Variants in BRSK2 observed in about 807,000 individuals in gnomAD.
The protein encoded by BRSK2 is serine/threonine-protein kinase BRSK2.
A neutral mutation model predicts 83.3 loss-of-function variants in BRSK2; 19 were observed. The observed-to-expected ratio is 0.23, with a 90% CI of 0.16 to 0.33. The LOEUF (loss-of-function observed/expected upper bound fraction) is 0.33, where lower values mean the gene tolerates loss of function less well. Ranked by LOEUF, BRSK2 falls within the 10% of genes least tolerant of loss-of-function variation. The pLI is 1.00. For missense variants in BRSK2, 798 were observed against 1,042.3 expected (o/e 0.77, Z 3.23); for synonymous variants, 519 against 435.4 (o/e 1.19, Z -2.39).
chr11:1,404,803 AG>A (rs1308712816), intron 1 of BRSK2, among the ~76,000 whole-genome samples: 2 of 152,122 alleles, frequency 1.3e-5, no homozygotes, highest in Non-Finnish European at 2.9e-5. Context: ...CGCGCCCTGG[AG>A]ATTACTGCTG....
At chr11:1,413,790 C>T (rs1847813515) in intron 1 of BRSK2, among the ~76,000 whole-genome samples, 1 of 152,242 alleles carries the variant, frequency 6.6e-6, no homozygotes, top group Admixed American at 6.5e-5. Flanking sequence ...GCCCCTCCTG[C>T]CATCTCTGGG....
chr11:1,411,350 G>T, intron 1 of BRSK2: 1 of 1,441,872 alleles, frequency 6.9e-7, no homozygotes, highest in Non-Finnish European at 9.0e-7. Flanking sequence ...GCACAGTTCT[G>T]CCCCATCTGG....
At chr11:1,455,691 C>T (rs1375293625) in intron 16 of BRSK2, among the ~76,000 whole-genome samples, 17 of 152,192 alleles carry the variant, frequency 1.1e-4, no homozygotes, top group African/African-American at 1.4e-4. Context: ...TCGGCCTCCT[C>T]CCTCACCACA....
At chr11:1,443,846 G>T (rs1276182189) in intron 8 of BRSK2, among the ~76,000 whole-genome samples, 1 of 152,006 alleles carries the variant, frequency 6.6e-6, no homozygotes, top group Non-Finnish European at 1.5e-5. Context: ...GGGTGCCCAG[G>T]TGAGTGTTCA....
intron 14 of BRSK2, among the ~76,000 whole-genome samples, 181 bp from the exon 15 acceptor site, chr11:1,451,190 C>T (rs982710391): frequency 6.6e-5 from 10 of 152,136 alleles, no homozygotes; most frequent in Non-Finnish European, 1.2e-4. Flanking sequence ...GCCTGGGGGG[C>T]GCCACTGCCA....
At chr11:1,458,131 G>C (rs1051822500) in intron 18 of BRSK2, among the ~76,000 whole-genome samples, 1 of 152,124 alleles carries the variant, frequency 6.6e-6, no homozygotes, top group Non-Finnish European at 1.5e-5. Flanking sequence ...TTGTCTGGTA[G>C]GGCAAGCAGA....
chr11:1,436,590 C>T (rs1050330837), intron 2 of BRSK2, among the ~76,000 whole-genome samples: 1 of 152,054 alleles, frequency 6.6e-6, no homozygotes, highest in Non-Finnish European at 1.5e-5. Flanking sequence ...CCATGGAGAC[C>T]AGGCAGGCCC....
At chr11:1,443,162 A>G (rs1851589809) in intron 6 of BRSK2, 23 bp downstream of exon 6, 2 of 1,537,104 alleles carry the variant, frequency 1.3e-6, no homozygotes, top group Non-Finnish European at 1.7e-6. Flanking sequence ...CGCCGCGTGC[A>G]GCTCTGTGGG....
chr11:1,407,853 G>C (rs1847008280), intron 1 of BRSK2, among the ~76,000 whole-genome samples: 1 of 152,234 alleles, frequency 6.6e-6, no homozygotes, highest in Non-Finnish European at 1.5e-5. Flanking sequence ...CCGGCAGGGA[G>C]GGGCTGTTTG....
At position 1,443,515 on chromosome 11, in the gene BRSK2, C is replaced by A; in HGVS notation, c.660C>A (p.Asn220Lys). The A allele has an allele frequency of 1.2e-6, 2 of 1,605,912 alleles. No individual in the cohort carries two copies. Among genetic ancestry groups the A allele is most frequent in the Non-Finnish European group, 1.7e-6 (2 of 1,176,500 alleles). The change falls in exon 8 of 20, where the codon AAC becomes AAA. Residue 220 changes from asparagine to lysine, a missense_variant. Asn to Lys is a moderately conservative substitution (Grantham distance 94). Around this residue, in one of 6 missense-constraint regions of BRSK2, gnomAD observed 145 missense variants for 225.4 expected, o/e 0.64. Coordinates refer to ENST00000528841, the MANE Select transcript of BRSK2 (RefSeq NM_001256627.2). ...GGGCTCTGCCCTTCGACGATGACAACTTGCGACAGCTGCTGGAGAAGGTGA... is the reference window on the plus strand; with the variant it reads ...GGGCTCTGCCCTTCGACGATGACAAATTGCGACAGCTGCTGGAGAAGGTGA... The part of the protein sequence containing the change: ...LVGALPFDDD[N>K]LRQLLEKVKR...
intron 18 of BRSK2, among the ~76,000 whole-genome samples, chr11:1,457,334 G>A (rs1289007922): frequency 6.6e-6 from 1 of 152,224 alleles, no homozygotes; most frequent in Non-Finnish European, 1.5e-5. Flanking sequence ...ACAGCCCAGG[G>A]TCATGCCTCC....
chr11:1,406,837 G>A (rs559022694), intron 1 of BRSK2, among the ~76,000 whole-genome samples: 8 of 152,338 alleles, frequency 5.3e-5, no homozygotes, highest in African/African-American at 1.9e-4. Flanking sequence ...CTCCCTCCAC[G>A]AGGTACACGC....
chr11:1,415,702 G>C (rs1848027029), intron 1 of BRSK2, among the ~76,000 whole-genome samples: 1 of 152,234 alleles, frequency 6.6e-6, no homozygotes, highest in Non-Finnish European at 1.5e-5. Flanking sequence ...CTGCCCCCTT[G>C]GGTCCCTCAC....
intron 1 of BRSK2, among the ~76,000 whole-genome samples, chr11:1,398,191 C>CT: frequency 6.6e-6 from 1 of 152,296 alleles, no homozygotes; most frequent in East Asian, 1.9e-4. Flanking sequence ...AGGATAGGGG[C>CT]TGGGGGGCAG....
rs200299640 is a variant in BRSK2 at position 1,436,037 on chromosome 11, C to T, written c.92-3C>T. On this transcript the variant is annotated splice_polypyrimidine_tract_variant and splice_region_variant and intron_variant, in intron 1 of 19. Coordinates refer to ENST00000528841, the MANE Select transcript of BRSK2 (RefSeq NM_001256627.2). ...TCTGAGCGCGGCTGCTTCTCTCCCG[C>T]AGGTCTGGTGAAGCTGGGGGTTCAC... The T allele has an allele frequency of 1.1e-3, 1,838 of 1,603,538 alleles. 15 individuals are homozygous for T. The highest frequency in any genetic ancestry group is 0.01 in the Middle Eastern group (59 of 5,874).
chr11:1,455,459 C>T (rs1480305127), intron 16 of BRSK2, among the ~76,000 whole-genome samples: 5 of 152,072 alleles, frequency 3.3e-5, no homozygotes, highest in South Asian at 2.1e-4. Context: ...TAGGGACTGG[C>T]CCCCACCCCA....
intron 4 of BRSK2, among the ~76,000 whole-genome samples, chr11:1,441,947 G>A (rs1437213523): frequency 9.6e-5 from 4 of 41,818 alleles, no homozygotes; most frequent in African/African-American, 4.4e-4. Flanking sequence ...TGCCCCTCAA[G>A]TGCACCGTCC....
At position 1,411,644 on chromosome 11, in the gene BRSK2, C is replaced by T. The variant is rs541770224; in HGVS notation, c.91+21269C>T. ...AGCCCAGCCCAGCAGGTGCGTGCCA[C>T]GCTCCCTGGCTGGCCAGGGCCCCTC... On this transcript the variant is annotated intron_variant, in intron 1 of 19. Transcript: ENST00000528841. 3.8e-5 allele frequency: 58 copies of T among 1,537,742 alleles called. No homozygotes were observed. The Middle Eastern group carries it at 6.4e-4, about 17-fold the overall frequency.
In BRSK2 at chr11:1,423,527, G is replaced by A. The variant is rs1375177687; in HGVS notation, c.92-12513G>A. On this transcript the variant is annotated intron_variant, in intron 1 of 19. Transcript: ENST00000528841. This position sits in a 1 kb window ranked among gnomAD's most constrained non-coding sequence, Gnocchi z 6.5. ...GCGGCCCACAGTCGTGTGAGCAGAG[G>A]ACGGCACTCGCGAGCTCCCTGGGGC... 6.6e-6 allele frequency among the ~76,000 whole-genome samples: 1 copy of A among 152,122 alleles called. No homozygotes were observed. Among genetic ancestry groups the A allele is most frequent in the African/African-American group, 2.4e-5 (1 of 41,406 alleles).
Sources: allele counts gnomAD v4.1 joint callset (sites outside exome capture counted in the v4.1 genomes callset), GRCh38; gene constraint gnomAD v4.1.1; regional missense constraint gnomAD v4.1.1; non-coding constraint Gnocchi (gnomAD v3.1); transcripts MANE v1.5; gene names NCBI Gene and HGNC (gene_info 2026-07-23, HGNC 2026-07-21).